Variants in IGF1R observed in about 807,000 individuals in gnomAD.
The protein encoded by IGF1R is insulin like growth factor 1 receptor, also known as insulin-like growth factor 1 receptor.
In IGF1R, 44 loss-of-function variants were observed where a neutral mutation model predicts 144.6. The ratio of observed to expected loss-of-function variants is 0.30; its 90% CI spans 0.24 to 0.39. The LOEUF is 0.39. Ranked by LOEUF, IGF1R falls within the 10% of genes least tolerant of loss-of-function variation. IGF1R has a pLI of 1.00. For missense variants in IGF1R, 1,355 were observed against 1,833.7 expected, an observed-to-expected ratio of 0.74 and a Z score of 4.77; for synonymous variants, 795 against 722.8, an observed-to-expected ratio of 1.10 and a Z score of -1.60.
At chr15:98,848,606 A>G (rs2011425506) in intron 2 of IGF1R, among the ~76,000 whole-genome samples, 1 of 152,222 alleles carries the variant, frequency 6.6e-6, no homozygotes, top group African/African-American at 2.4e-5. Flanking sequence ...TGGCCACCCC[A>G]GCATTATGCC....
chr15:98,679,967 A>G (rs1037091306), intron 1 of IGF1R, among the ~76,000 whole-genome samples: 1 of 152,164 alleles, frequency 6.6e-6, no homozygotes, highest in Non-Finnish European at 1.5e-5. Flanking sequence ...AAAGTTAAAA[A>G]TAGAAAAAAG....
intron 19 of IGF1R, among the ~76,000 whole-genome samples, chr15:98,943,278 A>C (rs1394626782): frequency 6.6e-6 from 1 of 152,240 alleles, no homozygotes; most frequent in Non-Finnish European, 1.5e-5. Context: ...TATGGGACCA[A>C]CATTCTTTCC....
chr15:98,649,498 T>C lies in IGF1R; in HGVS notation c.-84T>C. On this transcript the variant is annotated 5_prime_UTR_variant, in exon 1 of 21. Coordinates refer to ENST00000650285, the MANE Select transcript of IGF1R (RefSeq NM_000875.5). ...AAGACTGAGTTTGAGACTTGTTTCC[T>C]TTCATTTCCTTTTTTTCTTTTCTTT... 1.0e-6 allele frequency: 1 copy of C among 977,736 alleles called. No individual in the cohort carries two copies. The allele number at this position is 977,736 out of a possible 1,614,324, so 60.6% of individuals were successfully genotyped here.
chr15:98,649,549 T>TTTTTAA lies in IGF1R; in HGVS notation c.-33_-32insTTTTAA. 3.1e-6 allele frequency: 2 copies of TTTTTAA among 651,916 alleles called. No homozygotes were observed. The highest frequency in any genetic ancestry group is 2.4e-5 in the South Asian group (1 of 41,628). The allele number at this position is 651,916 out of a possible 1,614,324, so 40.4% of individuals were successfully genotyped here. ...TCTTTTTTTTTTTTTTTTTTTTTTT[T>TTTTTAA]GAGAAAGGGGAATTTCATCCCAAAT... On this transcript the variant is annotated 5_prime_UTR_variant, in exon 1 of 21. Transcript: ENST00000650285.
intron 19 of IGF1R, among the ~76,000 whole-genome samples, chr15:98,946,795 G>A (rs2016571831): frequency 6.6e-6 from 1 of 152,214 alleles, no homozygotes; most frequent in Admixed American, 6.5e-5. Context: ...CGTGAGAACT[G>A]GCTGCCTGCA....
At chr15:98,818,669 G>T (rs931019400) in intron 2 of IGF1R, among the ~76,000 whole-genome samples, 1 of 151,952 alleles carries the variant, frequency 6.6e-6, no homozygotes, top group Non-Finnish European at 1.5e-5. Flanking sequence ...ATTAGTTGTG[G>T]GGGGCTGTCC....
At chr15:98,756,824 A>G (rs569079239) in intron 2 of IGF1R, among the ~76,000 whole-genome samples, 25 of 152,004 alleles carry the variant, frequency 1.6e-4, no homozygotes, top group African/African-American at 2.2e-4. Flanking sequence ...TGTTTTCTAG[A>G]TGGTTTGTAA....
At chr15:98,649,724 A>T in intron 1 of IGF1R, 49 bp downstream of exon 1, 1 of 1,401,488 alleles carries the variant, frequency 7.1e-7, no homozygotes, top group Non-Finnish European at 1.0e-6. Flanking sequence ...TTTTCCTCCG[A>T]GGGGCTGCGC....
In IGF1R at chr15:98,860,459, A is replaced by G. The variant is rs530892442; in HGVS notation, c.641-30866A>G. On this transcript the variant is annotated intron_variant, in intron 2 of 20. Transcript: ENST00000650285. ...GAGCAATGACCAGATGATGAAATACATTAAAGCCTTAGGGAGAACTGAGAC... is the reference window on the plus strand; with the variant it reads ...GAGCAATGACCAGATGATGAAATACGTTAAAGCCTTAGGGAGAACTGAGAC... Among the ~76,000 whole-genome samples the G allele has an allele frequency of 4.6e-5, 7 of 152,374 alleles. 1 individual carries two copies. In the South Asian group the frequency reaches 1.2e-3, roughly 27 times the overall value.
chr15:98,805,889 C>A (rs951364536), intron 2 of IGF1R, among the ~76,000 whole-genome samples: 2 of 152,172 alleles, frequency 1.3e-5, no homozygotes, highest in Non-Finnish European at 2.9e-5. Context: ...CCTTACAATT[C>A]AGTGCAGTTC....
chr15:98,846,251 G>A (rs558505687), intron 2 of IGF1R, among the ~76,000 whole-genome samples: 3 of 152,292 alleles, frequency 2.0e-5, no homozygotes, highest in South Asian at 2.1e-4. Flanking sequence ...CATTTGTACC[G>A]TGGTGTTGAG....
chr15:98,846,444 A>T (rs1271460331), intron 2 of IGF1R, among the ~76,000 whole-genome samples: 3 of 152,234 alleles, frequency 2.0e-5, no homozygotes, highest in African/African-American at 7.2e-5. Context: ...ATAGGTCTTT[A>T]CTTTGGGGCC....
rs77927028 is a variant in IGF1R at position 98,691,719 on chromosome 15, G to T, written c.95-15843G>T. On this transcript the variant is annotated intron_variant, in intron 1 of 20. Coordinates refer to ENST00000650285, the MANE Select transcript of IGF1R (RefSeq NM_000875.5). ...GGGTTTTTGGGAGCAAGACCACAGA[G>T]CTGAAATGCCCTCCCTTCAGTGATT... 1.1e-4 allele frequency among the ~76,000 whole-genome samples: 16 copies of T among 152,228 alleles called. No homozygotes were observed. The East Asian group carries it at 3.1e-3, about 29-fold the overall frequency.
chr15:98,843,322 G>A lies in IGF1R; in HGVS notation c.641-48003G>A, dbSNP rs139392727. Among the ~76,000 whole-genome samples the A allele has an allele frequency of 6.6e-3, 1,004 of 152,146 alleles. 13 individuals are homozygous for A. The highest frequency in any genetic ancestry group is 0.023 in the African/African-American group (943 of 41,496). On this transcript the variant is annotated intron_variant, in intron 2 of 20. Coordinates refer to ENST00000650285, the MANE Select transcript of IGF1R (RefSeq NM_000875.5). ...TTTTTCTCTTACCTGCATAATAGACGCAGAACAAATTAACTCTAAACGGAT... is the reference window on the plus strand; with the variant it reads ...TTTTTCTCTTACCTGCATAATAGACACAGAACAAATTAACTCTAAACGGAT...
intron 2 of IGF1R, among the ~76,000 whole-genome samples, chr15:98,776,755 A>G (rs772160555): frequency 6.6e-6 from 1 of 152,140 alleles, no homozygotes; most frequent in African/African-American, 2.4e-5. Context: ...TGTGTTTTCA[A>G]AGCAGCTGTT....
intron 19 of IGF1R, among the ~76,000 whole-genome samples, chr15:98,946,423 T>C (rs1236379610): frequency 6.6e-6 from 1 of 152,176 alleles, no homozygotes; most frequent in East Asian, 1.9e-4. Context: ...TTGAAGTTCT[T>C]GTTAGCCGGA....
intron 1 of IGF1R, among the ~76,000 whole-genome samples, chr15:98,680,935 C>T (rs2053172716): frequency 6.7e-6 from 1 of 149,920 alleles, no homozygotes; most frequent in East Asian, 2.0e-4. Flanking sequence ...TGTTTAAATA[C>T]ACACATACTT....
rs1831430314 is a variant in IGF1R at position 98,924,586 on chromosome 15, G to A, written c.2684G>A (p.Arg895Gln). 11 of 1,613,948 alleles carry A rather than the reference G, an allele frequency of 6.8e-6. No homozygotes were observed. Among genetic ancestry groups the A allele is most frequent in the Middle Eastern group, 1.6e-4 (1 of 6,084 alleles). The change falls in exon 13 of 21, where the codon CGG (arginine) becomes CAG (glutamine). Residue 895 changes from arginine (R) to glutamine (Q), a missense_variant. This residue lies in a region of IGF1R where 880 missense variants were observed against 1,202.7 expected (regional missense o/e 0.73). Transcript: ENST00000650285. ...AAGTATGGAGGGGCCAAGCTAAACC[G>A]GCTAAACCCGGGGAACTACACAGCC... ...YRKYGGAKLN[R>Q]LNPGNYTARI...
At chr15:98,835,107 A>ACACACACCCCTACACCCACACACACC (rs1555450816) in intron 2 of IGF1R, among the ~76,000 whole-genome samples, 4 of 134,218 alleles carry the variant, frequency 3.0e-5, no homozygotes, top group African/African-American at 1.3e-4. Context: ...ACACACACAC[A>ACACACACCCCTACACCCACACACACC]CACCCCTACA....
Sources: allele counts gnomAD v4.1 joint callset (sites outside exome capture counted in the v4.1 genomes callset), GRCh38; gene constraint gnomAD v4.1.1; regional missense constraint gnomAD v4.1.1; transcripts MANE v1.5; gene names NCBI Gene and HGNC (gene_info 2026-07-23, HGNC 2026-07-21).